CCDC85A: variants seen among roughly 807,000 people sequenced by gnomAD.
The protein encoded by CCDC85A is coiled-coil domain containing 85A.
A neutral mutation model predicts 50.2 loss-of-function variants in CCDC85A; 38 were observed. That is an observed-to-expected ratio of 0.76 (90% CI 0.58 to 0.99). The LOEUF (loss-of-function observed/expected upper bound fraction) is 0.99, where lower values mean the gene tolerates loss of function less well. Ranked by LOEUF, CCDC85A falls within the 50% of genes least tolerant of loss-of-function variation. The pLI is 0.00. For synonymous variants in CCDC85A, 366 were observed against 301.4 expected, an observed-to-expected ratio of 1.21 and a Z score of -2.22; for missense variants, 820 against 742.0, an observed-to-expected ratio of 1.11 and a Z score of -1.22.
At chr2:56,383,669 C>A in intron 5 of CCDC85A, 12 of 984,950 alleles carry the variant, frequency 1.2e-5, no homozygotes, top group Non-Finnish European at 1.4e-5. Flanking sequence ...CAACTGATGA[C>A]CCCACTCTGT....
At chr2:56,383,584 T>C (rs1676692299) in intron 5 of CCDC85A, 6 of 984,990 alleles carry the variant, frequency 6.1e-6, no homozygotes, top group Non-Finnish European at 7.2e-6. Context: ...TTTATTCTTA[T>C]CATCTGCCTA....
chr2:56,373,077 T>C (rs971917215), intron 4 of CCDC85A, among the ~76,000 whole-genome samples: 6 of 152,244 alleles, frequency 3.9e-5, no homozygotes, highest in African/African-American at 1.4e-4. Context: ...ACTAACCTTT[T>C]ATTTTATAGT....
intron 2 of CCDC85A, among the ~76,000 whole-genome samples, chr2:56,287,796 T>C (rs777021641): frequency 5.3e-5 from 8 of 152,188 alleles, no homozygotes; most frequent in Non-Finnish European, 1.0e-4. Flanking sequence ...TTTTAAGAAA[T>C]GGGACATTGT....
At chr2:56,225,944 C>T (rs1009792433) in intron 2 of CCDC85A, among the ~76,000 whole-genome samples, 21 of 152,128 alleles carry the variant, frequency 1.4e-4, no homozygotes, top group Non-Finnish European at 2.4e-4. Context: ...GGTTAAACAA[C>T]GAGAAGAATT....
At chr2:56,185,463 G>A (rs1433284185) in intron 1 of CCDC85A, among the ~76,000 whole-genome samples, 1 of 152,180 alleles carries the variant, frequency 6.6e-6, no homozygotes, top group Non-Finnish European at 1.5e-5. Flanking sequence ...CTGCCTTCAC[G>A]TCTTCTCCCA....
rs1676737501 is a variant in CCDC85A at position 56,384,429 on chromosome 2, G to T, written c.*74G>T. 15 of 1,309,082 alleles carry T rather than the reference G, an allele frequency of 1.1e-5. No homozygotes were observed. Among genetic ancestry groups the T allele is most frequent in the Non-Finnish European group, 1.6e-5 (15 of 910,264 alleles). 81.1% of individuals were successfully genotyped at this position (1,309,082 alleles called of 1,614,324 possible). On this transcript the variant is annotated 3_prime_UTR_variant, in exon 6 of 6. Transcript: ENST00000407595. ...AAGACAAGAAGAAAAAGGAAAGAGT[G>T]GGTTTCCACAAACCTGGACTCATGG...
At chr2:56,365,267 A>G (rs1482000747) in intron 3 of CCDC85A, among the ~76,000 whole-genome samples, 1 of 152,222 alleles carries the variant, frequency 6.6e-6, no homozygotes, top group Non-Finnish European at 1.5e-5. Flanking sequence ...GTGTGAATTA[A>G]TATTACTTTC....
intron 2 of CCDC85A, among the ~76,000 whole-genome samples, chr2:56,324,774 A>G (rs1216431700): frequency 6.6e-6 from 1 of 151,988 alleles, no homozygotes; most frequent in Non-Finnish European, 1.5e-5. Flanking sequence ...AAATACTCCA[A>G]GGTAGTATTT....
intron 3 of CCDC85A, among the ~76,000 whole-genome samples, chr2:56,352,220 T>C (rs1427879973): frequency 2.0e-5 from 3 of 152,222 alleles, no homozygotes; most frequent in African/African-American, 7.2e-5. Context: ...CAAATATAAA[T>C]GTAATATATG....
chr2:56,303,185 T>C (rs1672285790), intron 2 of CCDC85A, among the ~76,000 whole-genome samples: 1 of 152,216 alleles, frequency 6.6e-6, no homozygotes, highest in South Asian at 2.1e-4. Flanking sequence ...TGTGCTGTAC[T>C]TGATTCGGAG....
intron 2 of CCDC85A, among the ~76,000 whole-genome samples, chr2:56,256,469 C>T (rs1216473639): frequency 2.0e-5 from 3 of 152,176 alleles, no homozygotes; most frequent in African/African-American, 7.2e-5. Flanking sequence ...GTCAGTCTAG[C>T]TGTGAATTAC....
At chr2:56,314,275 G>C (rs938728550) in intron 2 of CCDC85A, among the ~76,000 whole-genome samples, 1 of 151,444 alleles carries the variant, frequency 6.6e-6, no homozygotes, top group Non-Finnish European at 1.5e-5. Flanking sequence ...TGGTATAGAA[G>C]AGATAGTACT....
rs930811907 is a variant in CCDC85A, at chr2:56,378,665, C to G, written c.1572+2730C>G. Reference sequence around the variant, plus strand: ...CAAATTAATGAGTGTAGTTTGTGATCAGATTATTTATTACAGGATCGAACT... The same window carrying G: ...CAAATTAATGAGTGTAGTTTGTGATGAGATTATTTATTACAGGATCGAACT... On this transcript the variant is annotated intron_variant, in intron 5 of 5. Transcript: ENST00000407595. 5.9e-5 allele frequency among the ~76,000 whole-genome samples: 9 copies of G among 152,232 alleles called. 1 individual carries two copies. Among genetic ancestry groups the G allele is most frequent in the Admixed American group, 5.9e-4 (9 of 15,280 alleles).
At chr2:56,190,019 CT>C (rs1676231557) in intron 1 of CCDC85A, among the ~76,000 whole-genome samples, 1 of 152,228 alleles carries the variant, frequency 6.6e-6, no homozygotes, top group African/African-American at 2.4e-5. Flanking sequence ...GAGTTAGAAA[CT>C]AAGCTGCATA....
At chr2:56,368,642 T>C (rs555738950) in intron 3 of CCDC85A, among the ~76,000 whole-genome samples, 1 of 152,248 alleles carries the variant, frequency 6.6e-6, no homozygotes, top group African/African-American at 2.4e-5. Flanking sequence ...ATCTTCAGGC[T>C]TCCGTAGTTG....
At chr2:56,262,340 A>G (rs559375821) in intron 2 of CCDC85A, among the ~76,000 whole-genome samples, 24 of 152,154 alleles carry the variant, frequency 1.6e-4, no homozygotes, top group Non-Finnish European at 2.9e-4. Flanking sequence ...TTTACTGCAA[A>G]CAGAATAATA....
intron 2 of CCDC85A, among the ~76,000 whole-genome samples, chr2:56,274,553 A>T (rs214044): frequency 1.3e-5 from 2 of 152,080 alleles, no homozygotes; most frequent in Non-Finnish European, 2.9e-5. Flanking sequence ...GATTGGATAA[A>T]GCCCACCCAC....
intron 2 of CCDC85A, among the ~76,000 whole-genome samples, chr2:56,284,943 T>C (rs1671365300): frequency 6.6e-6 from 1 of 152,182 alleles, no homozygotes; most frequent in South Asian, 2.1e-4. Context: ...ATTATTTGCA[T>C]GGTATATATT....
intron 2 of CCDC85A, among the ~76,000 whole-genome samples, chr2:56,214,748 T>C (rs150585918): frequency 1.2e-3 from 184 of 152,088 alleles, no homozygotes; most frequent in African/African-American, 4.1e-3. Flanking sequence ...TGTTTGTTCT[T>C]TCACTAATTC....
Sources: gnomAD v4.1 joint callset for allele counts (sites outside exome capture counted in the v4.1 genomes callset) on GRCh38, gnomAD v4.1.1 for gene constraint, MANE v1.5 for transcripts, NCBI Gene and HGNC (gene_info 2026-07-23, HGNC 2026-07-21) for gene names.